The following GPATCH2 variants were observed in gnomAD, a reference collection of about 807,000 sequenced individuals.
The protein encoded by GPATCH2 is G patch domain-containing protein 2.
In GPATCH2, 51 loss-of-function variants were observed where a neutral mutation model predicts 58.0. That is an observed-to-expected ratio of 0.88 (90% confidence interval 0.70 to 1.11). The LOEUF (loss-of-function observed/expected upper bound fraction) is 1.11, where lower values mean the gene tolerates loss of function less well. Among genes scored for constraint, GPATCH2 ranks in the 50% most tolerant of loss-of-function variants. GPATCH2 has a pLI of 0.00. For synonymous variants in GPATCH2, 222 were observed against 218.5 expected (o/e 1.02, Z -0.14); for missense variants, 625 against 652.2 (o/e 0.96, Z 0.45).
chr1:217,501,067 T>C (rs1306191614), intron 6 of GPATCH2, among the ~76,000 whole-genome samples: 1 of 152,118 alleles, frequency 6.6e-6, no homozygotes, highest in East Asian at 1.9e-4. Context: ...CTTCATGTTG[T>C]CCTTTTATAG....
chr1:217,434,497 T>A (rs1490474523), intron 9 of GPATCH2, among the ~76,000 whole-genome samples: 4 of 152,214 alleles, frequency 2.6e-5, no homozygotes, highest in African/African-American at 9.6e-5. Context: ...TAGCGTGTTG[T>A]CTCATATCCC....
chr1:217,548,917 C>T (rs911198087), intron 5 of GPATCH2, among the ~76,000 whole-genome samples: 1 of 152,124 alleles, frequency 6.6e-6, no homozygotes, highest in African/African-American at 2.4e-5. Context: ...TACCCAGTCT[C>T]GGGTATTTCT....
chr1:217,469,713 G>T (rs935641401), intron 8 of GPATCH2, among the ~76,000 whole-genome samples: 1 of 152,008 alleles, frequency 6.6e-6, no homozygotes, highest in Non-Finnish European at 1.5e-5. Context: ...TTAGATTGCA[G>T]AATAATTCTT....
chr1:217,614,286 G>A, intron 2 of GPATCH2, 84 bp from the exon 3 acceptor site: 1 of 763,810 alleles, frequency 1.3e-6, no homozygotes, highest in Non-Finnish European at 2.3e-6. Flanking sequence ...TGGCAGCTCA[G>A]AGATGGAACT....
chr1:217,520,652 C>A (rs950242896), intron 5 of GPATCH2, among the ~76,000 whole-genome samples: 5 of 151,920 alleles, frequency 3.3e-5, no homozygotes, highest in Non-Finnish European at 7.4e-5. Flanking sequence ...AGTAAAAATT[C>A]TATATTGTTT....
chr1:217,469,459 A>T (rs1660621744), intron 8 of GPATCH2, among the ~76,000 whole-genome samples: 1 of 152,188 alleles, frequency 6.6e-6, no homozygotes, highest in African/African-American at 2.4e-5. Context: ...GATGAAAAAC[A>T]ATTTGAAAAA....
intron 8 of GPATCH2, among the ~76,000 whole-genome samples, chr1:217,485,928 T>G (rs1052794041): frequency 6.6e-6 from 1 of 152,248 alleles, no homozygotes; most frequent in Non-Finnish European, 1.5e-5. Context: ...ACTGTCTTAA[T>G]TAACATAGCT....
At position 217,495,339 on chromosome 1, in the gene GPATCH2, C is replaced by T. The variant is rs76484250; in HGVS notation, c.1206+3017G>A. On this transcript the variant is annotated intron_variant, in intron 7 of 9. Transcript: ENST00000366935. ...TTCCCCACCAATCCTCTCTTTACTA[C>T]CTGATTATACATAAGGCACTCAAGC... is the stretch of plus-strand genomic sequence containing the variant. Among the ~76,000 whole-genome samples the T allele has an allele frequency of 8.9e-3, 1,352 of 152,270 alleles. 16 individuals are homozygous for T. The highest frequency in any genetic ancestry group is 0.031 in the African/African-American group (1,279 of 41,552).
chr1:217,591,256 A>G (rs115610780), intron 5 of GPATCH2, among the ~76,000 whole-genome samples: 2,060 of 152,276 alleles, frequency 0.014, 50 homozygotes, highest in African/African-American at 0.047. Context: ...AAATGCATAT[A>G]TATATGATGG....
At chr1:217,503,893 A>G (rs923650663) in intron 6 of GPATCH2, among the ~76,000 whole-genome samples, 1 of 152,168 alleles carries the variant, frequency 6.6e-6, no homozygotes, top group Non-Finnish European at 1.5e-5. Context: ...AAGGCAATTT[A>G]ATCCTTAAAC....
At chr1:217,498,571 A>G in intron 6 of GPATCH2, 176 bp from the exon 7 acceptor site, 2 of 627,092 alleles carry the variant, frequency 3.2e-6, no homozygotes, top group Non-Finnish European at 5.7e-6. Flanking sequence ...ACAGAACTGT[A>G]AAAGTGCTCA....
At chr1:217,594,954 C>G (rs1420679367) in intron 5 of GPATCH2, among the ~76,000 whole-genome samples, 3 of 152,190 alleles carry the variant, frequency 2.0e-5, no homozygotes, top group South Asian at 2.1e-4. Context: ...CTTTAAGGAG[C>G]ATGCCAAAGG....
intron 8 of GPATCH2, among the ~76,000 whole-genome samples, chr1:217,468,488 A>G (rs1281820954): frequency 1.3e-5 from 2 of 150,530 alleles, no homozygotes; most frequent in African/African-American, 4.9e-5. Context: ...GTCTTCAACC[A>G]AAAAATGTCA....
chr1:217,560,553 A>C (rs1379181125), intron 5 of GPATCH2, among the ~76,000 whole-genome samples: 1 of 152,244 alleles, frequency 6.6e-6, no homozygotes, highest in Non-Finnish European at 1.5e-5. Context: ...ATTTTGCCTT[A>C]AGGTTATCAA....
At chr1:217,447,765 A>G (rs1659455678) in intron 9 of GPATCH2, among the ~76,000 whole-genome samples, 1 of 152,098 alleles carries the variant, frequency 6.6e-6, no homozygotes, top group Non-Finnish European at 1.5e-5. Context: ...TTATTCTTCA[A>G]TTTTCTAGTG....
chr1:217,617,467 T>C (rs367560270), intron 2 of GPATCH2, among the ~76,000 whole-genome samples: 1 of 152,152 alleles, frequency 6.6e-6, no homozygotes, highest in Admixed American at 6.6e-5. Context: ...AGAGTCTCCA[T>C]TATTAGTCCA....
At chr1:217,523,980 C>T (rs1331806672) in intron 5 of GPATCH2, among the ~76,000 whole-genome samples, 8 of 120,600 alleles carry the variant, frequency 6.6e-5, no homozygotes, top group Non-Finnish European at 8.9e-5. Context: ...CCGGACGGGG[C>T]GGCTGGCCGG....
chr1:217,466,291 A>G (rs1660445761), intron 8 of GPATCH2, among the ~76,000 whole-genome samples: 1 of 152,202 alleles, frequency 6.6e-6, no homozygotes, highest in Admixed American at 6.5e-5. Flanking sequence ...AGAACTGAAA[A>G]AAAAAAAGGA....
intron 6 of GPATCH2, among the ~76,000 whole-genome samples, chr1:217,500,089 A>G (rs1420976803): frequency 6.6e-6 from 1 of 152,054 alleles, no homozygotes; most frequent in African/African-American, 2.4e-5. Flanking sequence ...CTACATGAAT[A>G]CTTTCTGCTA....
Sources: gnomAD v4.1 joint callset for allele counts (sites outside exome capture counted in the v4.1 genomes callset) on GRCh38, gnomAD v4.1.1 for gene constraint, MANE v1.5 for transcripts, NCBI Gene and HGNC (gene_info 2026-07-23, HGNC 2026-07-21) for gene names.